The following AARS1 variants were observed in gnomAD, a reference collection of about 807,000 sequenced individuals.
AARS1 encodes alanine--tRNA ligase, cytoplasmic.
Under a neutral mutation model 108.9 loss-of-function variants are expected in AARS1, and 72 were observed. The ratio of observed to expected loss-of-function variants is 0.66; its 90% CI spans 0.55 to 0.80. AARS1 has a LOEUF of 0.80. AARS1 is among the 30% of genes least tolerant of loss of function. The probability of loss-of-function intolerance (pLI) is 0.00; values close to 1 mark genes in which losing one functional copy is unlikely to be tolerated. For synonymous variants in AARS1, 489 were observed against 465.7 expected, an observed-to-expected ratio of 1.05 and a Z score of -0.64; for missense variants, 1,193 against 1,233.2, an observed-to-expected ratio of 0.97 and a Z score of 0.49.
chr16:70,289,455 A>T lies in AARS1; in HGVS notation c.-56T>A, dbSNP rs1165939697. 2.4e-6 allele frequency: 1 copy of T among 416,874 alleles called. No individual in the cohort carries two copies. Among genetic ancestry groups the T allele is most frequent in the Non-Finnish European group, 4.8e-6 (1 of 206,766 alleles). 25.8% of individuals were successfully genotyped at this position (416,874 alleles called of 1,614,324 possible). A position where few individuals can be genotyped will look rare whatever the true frequency, so the allele number is the denominator to read the frequency against. On this transcript the variant is annotated 5_prime_UTR_variant, in exon 1 of 21. Coordinates refer to ENST00000261772, the MANE Select transcript of AARS1 (RefSeq NM_001605.3). ...GGTCGCCGTCCCCAGCTCCTCCCTCAGAGTCCCCCGCCAAGGGCCCGCTGC... is the reference window on the plus strand; with the variant it reads ...GGTCGCCGTCCCCAGCTCCTCCCTCTGAGTCCCCCGCCAAGGGCCCGCTGC...
At position 70,265,121 on chromosome 16, in the gene AARS1, A is replaced by C. The variant is rs367937608; in HGVS notation, c.1348-19T>G. The C allele has an allele frequency of 1.9e-5, 30 of 1,613,840 alleles. No individual in the cohort carries two copies. Among genetic ancestry groups the C allele is most frequent in the Non-Finnish European group, 2.5e-5 (30 of 1,180,030 alleles). On this transcript the variant is annotated intron_variant, in intron 10 of 20. Coordinates refer to ENST00000261772, the MANE Select transcript of AARS1 (RefSeq NM_001605.3). ...ATTTCAGCTGTCAGCAAGAGAAACA[A>C]GCATAAGTTACCGTAAAGTAGGAGA...
Position 70,255,780 on chromosome 16 carries a change from A to G in AARS1, c.2234T>C (p.Ile745Thr). Residue 745 changes from isoleucine to threonine, a missense_variant, in exon 16 of 21, where the codon ATT becomes ACT. By Grantham distance (89) the Ile-to-Thr change is moderately conservative. Coordinates refer to ENST00000261772, the MANE Select transcript of AARS1 (RefSeq NM_001605.3). ...GAFVIVTEEA[I>T]AKGIRRIVAV... ...CACAATCCTCCGGATACCCTTGGCAATGGCTTCTTCCGTCACGATCACAAA... is the reference window on the plus strand; with the variant it reads ...CACAATCCTCCGGATACCCTTGGCAGTGGCTTCTTCCGTCACGATCACAAA... 1 of 1,614,210 alleles carries G rather than the reference A, an allele frequency of 6.2e-7. No homozygotes were observed.
At chr16:70,256,127 C>T (rs1959986128) in intron 15 of AARS1, among the ~76,000 whole-genome samples, 2 of 152,202 alleles carry the variant, frequency 1.3e-5, no homozygotes, top group South Asian at 2.1e-4. Context: ...CTCTACGTGA[C>T]AGTTTTGGTC....
At chr16:70,281,873 C>T (rs1457401769) in intron 2 of AARS1, among the ~76,000 whole-genome samples, 3 of 150,538 alleles carry the variant, frequency 2.0e-5, no homozygotes, top group Non-Finnish European at 4.4e-5. Flanking sequence ...AATAGCTGGC[C>T]GGGCGTGGTG....
At chr16:70,280,616 G>A (rs1960674035) in intron 2 of AARS1, among the ~76,000 whole-genome samples, 1 of 152,118 alleles carries the variant, frequency 6.6e-6, no homozygotes, top group Non-Finnish European at 1.5e-5. Context: ...AGATGCCCCG[G>A]GGGAGCAGGG....
rs774309980 is a variant in AARS1, at chr16:70,262,481, C to T, written c.1536G>A (p.Glu512=). 2 of 1,614,078 alleles carry T rather than the reference C, an allele frequency of 1.2e-6. No individual in the cohort carries two copies. The highest frequency in any genetic ancestry group is 1.7e-6 in the Non-Finnish European group (2 of 1,180,040). Residue 512 remains glutamate (E), a synonymous_variant, in exon 12 of 21, where the codon GAG becomes GAA. Transcript: ENST00000261772. ...TGGACACCTCTTCCACGAACATCTT[C>T]TCCCTGCGCAGAGCCATCACCGTAG... The part of the protein sequence containing the change: ...TVATVMALRR[E]KMFVEEVSTG...
Position 70,265,077 on chromosome 16 carries a change from C to T in AARS1, c.1373G>A (p.Gly458Asp), listed in dbSNP as rs1268946861. ...AQLKSQGKGA[G>D]GEDLIMLDIY... Reference sequence around the variant, plus strand: ...GTCCAGCATAATGAGGTCTTCCCCACCAGCTCCCTTGCCCTGTGATTTCAG... The same window carrying T: ...GTCCAGCATAATGAGGTCTTCCCCATCAGCTCCCTTGCCCTGTGATTTCAG... Residue 458 changes from glycine to aspartate, a missense_variant, in exon 11 of 21, where the codon GGT (glycine) becomes GAT (aspartate). By Grantham distance (94) the Gly-to-Asp change is moderately conservative. Transcript: ENST00000261772. 1 of 1,614,036 alleles carries T rather than the reference C, an allele frequency of 6.2e-7. No individual in the cohort carries two copies. The highest frequency in any genetic ancestry group is 2.2e-5 in the East Asian group (1 of 44,890).
rs1299160971 is a variant in AARS1 at position 70,254,333 on chromosome 16, T to A, written c.2400+288A>T. 3 of 582,716 alleles carry A rather than the reference T, an allele frequency of 5.1e-6. No individual in the cohort carries two copies. In the African/African-American group the frequency reaches 5.6e-5, roughly 11 times the overall value. The allele number at this position is 582,716 out of a possible 1,614,324, so 36.1% of individuals were successfully genotyped here. ...AATGCAAATAAATACCAGGCAGGCTTGGAAGCAGGGGCCAGCCTTAGCCCA... is the reference window on the plus strand; with the variant it reads ...AATGCAAATAAATACCAGGCAGGCTAGGAAGCAGGGGCCAGCCTTAGCCCA... On this transcript the variant is annotated intron_variant, in intron 17 of 20. Coordinates refer to ENST00000261772, the MANE Select transcript of AARS1 (RefSeq NM_001605.3).
chr16:70,280,089 C>T (rs964335540), intron 2 of AARS1, among the ~76,000 whole-genome samples: 1 of 152,048 alleles, frequency 6.6e-6, no homozygotes, highest in Non-Finnish European at 1.5e-5. Context: ...TTTAATTTTT[C>T]TCTTTTCCTT....
intron 5 of AARS1, 89 bp downstream of exon 5, chr16:70,271,691 GC>G (rs1428937981): frequency 7.6e-7 from 1 of 1,312,138 alleles, no homozygotes. Context: ...AAAGAAATGA[GC>G]TTTTAGCTGA....
intron 15 of AARS1, among the ~76,000 whole-genome samples, chr16:70,256,545 C>T (rs1959996088): frequency 6.6e-6 from 1 of 152,174 alleles, no homozygotes; most frequent in Non-Finnish European, 1.5e-5. Flanking sequence ...AGTGATCTGC[C>T]TGCCTCAGCC....
chr16:70,272,223 A>C (rs907854658), intron 4 of AARS1, among the ~76,000 whole-genome samples: 3 of 152,088 alleles, frequency 2.0e-5, no homozygotes, highest in African/African-American at 7.2e-5. Context: ...CTGCTAAAGA[A>C]GCTGGGCGTG....
intron 11 of AARS1, among the ~76,000 whole-genome samples, chr16:70,262,967 CAAAAAAAAA>C (rs57444625): frequency 0.026 from 527 of 20,594 alleles, 3 homozygotes; most frequent in Non-Finnish European, 0.041. Flanking sequence ...GACTCGGTCT[CAAAAAAAAA>C]AAAAAAAAAA....
chr16:70,252,765 C>T lies in AARS1; in HGVS notation c.2863G>A (p.Ala955Thr). The change falls in exon 21 of 21, where the codon GCC becomes ACC. Residue 955 changes from alanine (A) to threonine (T), a missense_variant. Ala to Thr is a moderately conservative substitution (Grantham distance 58). Transcript: ENST00000261772. The stretch of plus-strand genomic sequence containing the variant: ...AGGCGCAGCTGGGCGAAGGAAGTGG[C>T]CAGCTGCAGCGCCTCCTGCAGGCAG... Reference protein sequence around the residue: ...VGCLQEALQLATSFAQLRLGD... With the variant: ...VGCLQEALQLTTSFAQLRLGD... 1 of 1,614,178 alleles carries T rather than the reference C, an allele frequency of 6.2e-7. No individual in the cohort carries two copies. Among genetic ancestry groups the T allele is most frequent in the Non-Finnish European group, 8.5e-7 (1 of 1,180,038 alleles).
chr16:70,287,389 T>C (rs1218562374), intron 1 of AARS1, among the ~76,000 whole-genome samples: 2 of 148,866 alleles, frequency 1.3e-5, no homozygotes, highest in Non-Finnish European at 3.0e-5. Context: ...GATCATGCCA[T>C]TGCACTCCAG....
intron 1 of AARS1, among the ~76,000 whole-genome samples, chr16:70,283,879 A>G (rs914118479): frequency 6.6e-6 from 1 of 152,202 alleles, no homozygotes; most frequent in African/African-American, 2.4e-5. Context: ...TGAAAGTACA[A>G]GGGAACTGGT....
At chr16:70,265,372 G>T in intron 10 of AARS1, 166 bp downstream of exon 10, 1 of 1,140,556 alleles carries the variant, frequency 8.8e-7, no homozygotes, top group Non-Finnish European at 1.3e-6. Flanking sequence ...AGACATTATC[G>T]CCAATTACTC....
intron 20 of AARS1, 24 bp downstream of exon 20, chr16:70,253,244 C>T (rs757129003): frequency 3.2e-6 from 5 of 1,566,144 alleles, no homozygotes; most frequent in Non-Finnish European, 4.4e-6. Flanking sequence ...CTAACACTTC[C>T]CACTGGTGCG....
intron 1 of AARS1, among the ~76,000 whole-genome samples, chr16:70,287,834 C>T (rs1960890098): frequency 6.6e-6 from 1 of 151,950 alleles, no homozygotes; most frequent in South Asian, 2.1e-4. Flanking sequence ...TGCGCAACCT[C>T]GGCTCACCGC....
Sources: allele counts gnomAD v4.1 joint callset (sites outside exome capture counted in the v4.1 genomes callset), GRCh38; gene constraint gnomAD v4.1.1; transcripts MANE v1.5; gene names NCBI Gene and HGNC (gene_info 2026-07-23, HGNC 2026-07-21).